Variants in TIAM2 observed in about 807,000 individuals in gnomAD.
TIAM2 encodes rho guanine nucleotide exchange factor TIAM2.
In TIAM2, 80 loss-of-function variants were observed where a neutral mutation model predicts 152.9. That is an observed-to-expected ratio of 0.52 (90% confidence interval 0.44 to 0.63). TIAM2 has a LOEUF of 0.63. Ranked by LOEUF, TIAM2 falls within the 30% of genes least tolerant of loss-of-function variation. TIAM2 has a pLI of 0.00. For synonymous variants in TIAM2, 804 were observed against 838.0 expected (o/e 0.96, Z 0.70); for missense variants, 1,965 against 2,120.1 (o/e 0.93, Z 1.44).
chr6:155,115,202 T>G (rs1778981813), intron 2 of TIAM2, among the ~76,000 whole-genome samples: 1 of 151,346 alleles, frequency 6.6e-6, no homozygotes, highest in Non-Finnish European at 1.5e-5. Flanking sequence ...AATTTCAGAT[T>G]AAGAAGTACA....
intron 23 of TIAM2, among the ~76,000 whole-genome samples, chr6:155,252,573 C>T (rs1269026122): frequency 6.6e-6 from 1 of 152,202 alleles, no homozygotes; most frequent in African/African-American, 2.4e-5. Flanking sequence ...GTTCCATAAA[C>T]ATAGTCTGTG....
chr6:155,131,214 G>T (rs1355401534), intron 4 of TIAM2, among the ~76,000 whole-genome samples: 1 of 152,160 alleles, frequency 6.6e-6, no homozygotes, highest in Non-Finnish European at 1.5e-5. Context: ...ACAAAAATTA[G>T]CCTGGCGTGG....
At chr6:155,131,995 T>G (rs1238933207) in intron 4 of TIAM2, among the ~76,000 whole-genome samples, 1 of 151,936 alleles carries the variant, frequency 6.6e-6, no homozygotes, top group African/African-American at 2.4e-5. Context: ...AAAATAAGAA[T>G]GATGAATATA....
rs559203131 is a variant in TIAM2 at position 155,178,299 on chromosome 6, G to A, written c.2524-740G>A. Among the ~76,000 whole-genome samples the A allele has an allele frequency of 7.9e-5, 12 of 151,608 alleles. No homozygotes were observed. In the South Asian group the frequency reaches 1.9e-3, roughly 24 times the overall value. ...TGAGTGTGTGTGCGTACACATTTTC[G>A]TTTTGAAAGTTTTTGGAGTAGGACA... On this transcript the variant is annotated intron_variant, in intron 10 of 26. Transcript: ENST00000682666.
intron 1 of TIAM2, among the ~76,000 whole-genome samples, chr6:154,999,910 C>G (rs1044391429): frequency 6.6e-6 from 1 of 152,070 alleles, no homozygotes; most frequent in Admixed American, 6.5e-5. Flanking sequence ...AACTCCTGAC[C>G]TTGTGATCCG....
intron 1 of TIAM2, among the ~76,000 whole-genome samples, chr6:155,013,026 A>G (rs1299080900): frequency 1.3e-5 from 2 of 152,044 alleles, no homozygotes; most frequent in African/African-American, 2.4e-5. Context: ...CCATCTCGTA[A>G]GTCTGGCCAT....
At chr6:155,235,208 C>T (rs1188851998) in intron 15 of TIAM2, among the ~76,000 whole-genome samples, 7 of 152,242 alleles carry the variant, frequency 4.6e-5, no homozygotes. Context: ...GCCTTGTGCA[C>T]AGCAGCTGCT....
In TIAM2 at chr6:155,201,175, A is replaced by G. The variant is rs115837564; in HGVS notation, c.3065-10029A>G. 6.9e-3 allele frequency among the ~76,000 whole-genome samples: 1,049 copies of G among 152,298 alleles called. 8 individuals are homozygous for G. Among genetic ancestry groups the G allele is most frequent in the African/African-American group, 0.024 (1,005 of 41,560 alleles). On this transcript the variant is annotated intron_variant, in intron 14 of 26. Coordinates refer to ENST00000682666, the MANE Select transcript of TIAM2 (RefSeq NM_012454.4). ...CCTTTTTATGGCTGAATAATATTCA[A>G]TTTCGCCTTCTTTTAATCCAAGAGA...
intron 18 of TIAM2, 66 bp downstream of exon 18, chr6:155,244,849 A>C: frequency 6.7e-7 from 1 of 1,501,246 alleles, no homozygotes; most frequent in Non-Finnish European, 8.9e-7. Context: ...CTCTCATGAG[A>C]ATTCTCTCAT....
At position 155,118,456 on chromosome 6, in the gene TIAM2, G is replaced by A. The variant is rs569895322; in HGVS notation, c.-117-9034G>A. ...TTTTCTTTTTTTTTTTTTTTGAGAC[G>A]GAGTCTTGCTCTGTTGCCCAGGATG... On this transcript the variant is annotated intron_variant, in intron 2 of 26. Coordinates refer to ENST00000682666, the MANE Select transcript of TIAM2 (RefSeq NM_012454.4). Among the ~76,000 whole-genome samples the A allele has an allele frequency of 4.4e-4, 57 of 128,152 alleles. 1 individual carries two copies. In the East Asian group the frequency reaches 7.6e-3, roughly 17 times the overall value. The allele number at this position is 128,152 out of a possible 152,430, so 84.1% of individuals were successfully genotyped here.
At chr6:155,133,144 C>T (rs1307226946) in intron 4 of TIAM2, among the ~76,000 whole-genome samples, 1 of 152,206 alleles carries the variant, frequency 6.6e-6, no homozygotes, top group Non-Finnish European at 1.5e-5. Flanking sequence ...CACTGGAGGT[C>T]AGGAGTTTGA....
At chr6:155,053,467 T>A (rs890010605) in intron 1 of TIAM2, among the ~76,000 whole-genome samples, 8 of 6,520 alleles carry the variant, frequency 1.2e-3, no homozygotes, top group East Asian at 6.2e-3. Context: ...TTCTTGCAGC[T>A]TTTTTTTTTT....
At chr6:155,103,926 T>G (rs1436368641) in intron 2 of TIAM2, among the ~76,000 whole-genome samples, 14 of 151,728 alleles carry the variant, frequency 9.2e-5, no homozygotes, top group Admixed American at 9.2e-4. Flanking sequence ...TGGCTGTTAT[T>G]TTATTTTATT....
chr6:155,121,385 T>G (rs1481934912), intron 2 of TIAM2, among the ~76,000 whole-genome samples: 1 of 152,210 alleles, frequency 6.6e-6, no homozygotes, highest in Non-Finnish European at 1.5e-5. Flanking sequence ...TTTCCACACT[T>G]GATTCTCAGT....
At chr6:155,021,550 C>G (rs905244866) in intron 1 of TIAM2, among the ~76,000 whole-genome samples, 9 of 152,152 alleles carry the variant, frequency 5.9e-5, no homozygotes, top group African/African-American at 2.2e-4. Flanking sequence ...GCACGAGCCA[C>G]CGCGCCCAGC....
intron 2 of TIAM2, among the ~76,000 whole-genome samples, chr6:155,092,493 G>A (rs529156307): frequency 4.6e-4 from 70 of 152,222 alleles, no homozygotes; most frequent in African/African-American, 1.7e-3. Flanking sequence ...AAGTATGTGA[G>A]TATAGGGGTT....
Position 155,136,323 on chromosome 6 carries a change from A to G in TIAM2, c.1195-854A>G, listed in dbSNP as rs535525894. Among the ~76,000 whole-genome samples the G allele has an allele frequency of 2.6e-5, 4 of 151,804 alleles. No homozygotes were observed. The East Asian group carries it at 7.8e-4, about 30-fold the overall frequency. ...GAGTTTCGCTCTTGTTGCCCAGGCT[A>G]GAGTGCAATGGCCTGATCTTGGTTC... On this transcript the variant is annotated intron_variant, in intron 4 of 26. Coordinates refer to ENST00000682666, the MANE Select transcript of TIAM2 (RefSeq NM_012454.4).
At chr6:155,048,396 G>C (rs934856313) in intron 1 of TIAM2, among the ~76,000 whole-genome samples, 1 of 152,088 alleles carries the variant, frequency 6.6e-6, no homozygotes, top group Non-Finnish European at 1.5e-5. Flanking sequence ...CCTGGCCAAG[G>C]GTCATTTTAA....
intron 1 of TIAM2, among the ~76,000 whole-genome samples, chr6:155,029,072 T>C (rs1183494908): frequency 9.9e-6 from 1 of 100,516 alleles, no homozygotes; most frequent in Non-Finnish European, 1.9e-5. Flanking sequence ...GTATATACTA[T>C]ATATACTGTT....
Sources: gnomAD v4.1 joint callset for allele counts (sites outside exome capture counted in the v4.1 genomes callset) on GRCh38, gnomAD v4.1.1 for gene constraint, MANE v1.5 for transcripts, NCBI Gene and HGNC (gene_info 2026-07-23, HGNC 2026-07-21) for gene names.